Variants in GRIA1 observed in about 807,000 individuals in gnomAD.
GRIA1 encodes glutamate ionotropic receptor AMPA type subunit 1, also known as glutamate receptor 1.
GRIA1 carries 31 observed loss-of-function variants against 99.2 expected under a neutral mutation model. That is an observed-to-expected ratio of 0.31 (90% CI 0.23 to 0.42). The LOEUF (loss-of-function observed/expected upper bound fraction) is 0.42, where lower values mean the gene tolerates loss of function less well. GRIA1 is among the 10% of genes least tolerant of loss of function. GRIA1 has a pLI of 1.00. For missense variants in GRIA1, 782 were observed against 1,157.5 expected (o/e 0.68, Z 4.71); for synonymous variants, 438 against 432.4 (o/e 1.01, Z -0.16).
At chr5:153,674,430 G>A in intron 5 of GRIA1, 70 bp from the exon 6 acceptor site, 1 of 1,561,446 alleles carries the variant, frequency 6.4e-7, no homozygotes, top group Non-Finnish European at 8.8e-7. Flanking sequence ...AAATCCTGTG[G>A]TTTTGGAACA....
intron 4 of GRIA1, among the ~76,000 whole-genome samples, chr5:153,650,741 C>T (rs1754503739): frequency 1.4e-5 from 2 of 144,404 alleles, no homozygotes; most frequent in African/African-American, 5.1e-5. Context: ...GACCTGTTAA[C>T]TCCAATGTAT....
chr5:153,659,336 G>T (rs977351332), intron 5 of GRIA1, among the ~76,000 whole-genome samples: 10 of 152,102 alleles, frequency 6.6e-5, no homozygotes, highest in Non-Finnish European at 1.5e-4. Context: ...CATAGCATTG[G>T]TGTGGGCATA....
At chr5:153,797,082 G>C (rs1451190064) in intron 14 of GRIA1, among the ~76,000 whole-genome samples, 1 of 152,188 alleles carries the variant, frequency 6.6e-6, no homozygotes, top group East Asian at 1.9e-4. Flanking sequence ...GGCAATGTCA[G>C]AGGGACGTGA....
chr5:153,586,891 A>G (rs1488173948), intron 2 of GRIA1, among the ~76,000 whole-genome samples: 1 of 152,236 alleles, frequency 6.6e-6, no homozygotes, highest in East Asian at 1.9e-4. Flanking sequence ...AAGAAAACTG[A>G]TAGTCCACTT....
At chr5:153,698,190 T>C (rs201429206) in intron 9 of GRIA1, 36 bp downstream of exon 9, 5 of 1,179,674 alleles carry the variant, frequency 4.2e-6, no homozygotes, top group Non-Finnish European at 5.1e-6. Flanking sequence ...TTACTTGGGA[T>C]TCAAGCTAGG....
intron 2 of GRIA1, among the ~76,000 whole-genome samples, chr5:153,600,371 G>C (rs945867370): frequency 8.8e-6 from 1 of 113,424 alleles, no homozygotes; most frequent in African/African-American, 3.5e-5. Flanking sequence ...CAGCCTGGGC[G>C]ACAGAGCGAG....
chr5:153,650,291 G>A, intron 3 of GRIA1, 39 bp from the exon 4 acceptor site: 14 of 1,452,356 alleles, frequency 9.6e-6, no homozygotes, highest in Middle Eastern at 2.0e-4. Context: ...CACAAATCCT[G>A]ACTGTCTGTC....
rs1483707248 is a variant in GRIA1 at position 153,512,134 on chromosome 5, G to A, written c.220+18069G>A. 7.2e-5 allele frequency among the ~76,000 whole-genome samples: 11 copies of A among 152,276 alleles called. No individual in the cohort carries two copies. In the East Asian group the frequency reaches 2.1e-3, roughly 29 times the overall value. ...AGGAGGAGATGCTGAGATTCAGTGT[G>A]GAAGGTGACAAGATAAGAGGAGGAA... On this transcript the variant is annotated intron_variant, in intron 2 of 15. Transcript: ENST00000285900.
intron 5 of GRIA1, among the ~76,000 whole-genome samples, chr5:153,664,158 A>G (rs541088984): frequency 6.8e-4 from 103 of 152,284 alleles, no homozygotes; most frequent in Admixed American, 2.4e-3. Flanking sequence ...AGAGAATACA[A>G]TGGGAGGGAA....
intron 11 of GRIA1, among the ~76,000 whole-genome samples, chr5:153,757,603 G>A (rs1363374693): frequency 6.6e-6 from 1 of 152,162 alleles, no homozygotes; most frequent in Non-Finnish European, 1.5e-5. Context: ...AGACTTCTCA[G>A]CAAAGACTTT....
rs377474997 is a variant in GRIA1 at position 153,650,527 on chromosome 5, G to A, written c.645+13G>A. The A allele has an allele frequency of 3.1e-6, 5 of 1,612,492 alleles. No individual in the cohort carries two copies. The highest frequency in any genetic ancestry group is 3.4e-6 in the Non-Finnish European group (4 of 1,179,076). ...TATCTTGGGCCAGGTAGTGAAAGCAGCAAGGGCTCAGGGTGGGTGCGGGAG... is the reference window on the plus strand; with the variant it reads ...TATCTTGGGCCAGGTAGTGAAAGCAACAAGGGCTCAGGGTGGGTGCGGGAG... On this transcript the variant is annotated intron_variant, in intron 4 of 15. Transcript: ENST00000285900.
chr5:153,759,453 C>G (rs1240638577), intron 11 of GRIA1, among the ~76,000 whole-genome samples: 1 of 151,344 alleles, frequency 6.6e-6, no homozygotes, highest in African/African-American at 2.4e-5. Context: ...ATTGTAAAAC[C>G]TAGGAAAAAA....
Position 153,733,785 on chromosome 5 carries a change from G to A in GRIA1, c.1823+27718G>A, listed in dbSNP as rs6863372. On this transcript the variant is annotated intron_variant, in intron 11 of 15. Coordinates refer to ENST00000285900, the MANE Select transcript of GRIA1 (RefSeq NM_000827.4). ...ACAAAGGGCATCATTATATAATGAT[G>A]AAAGGGTACATTGATCAAGAGGATA... 8.7e-3 allele frequency among the ~76,000 whole-genome samples: 1,328 copies of A among 152,276 alleles called. 7 individuals are homozygous for A. The highest frequency in any genetic ancestry group is 0.014 in the South Asian group (67 of 4,822).
At chr5:153,743,057 C>A (rs1761919877) in intron 11 of GRIA1, among the ~76,000 whole-genome samples, 1 of 152,104 alleles carries the variant, frequency 6.6e-6, no homozygotes, top group Non-Finnish European at 1.5e-5. Context: ...CAGTTCTTGG[C>A]AGAATGGCTT....
intron 7 of GRIA1, among the ~76,000 whole-genome samples, chr5:153,684,619 T>C (rs1757217963): frequency 6.6e-6 from 1 of 152,154 alleles, no homozygotes; most frequent in Admixed American, 6.5e-5. Flanking sequence ...AATGAGTCAC[T>C]TACATGGTAC....
At chr5:153,564,032 C>T (rs74854053) in intron 2 of GRIA1, among the ~76,000 whole-genome samples, 1,912 of 152,170 alleles carry the variant, frequency 0.013, 29 homozygotes, top group African/African-American at 0.039. Flanking sequence ...AAATCATAAC[C>T]GCTTGTTGAA....
intron 14 of GRIA1, among the ~76,000 whole-genome samples, chr5:153,801,773 G>C (rs1766042308): frequency 6.6e-6 from 1 of 152,122 alleles, no homozygotes; most frequent in Admixed American, 6.6e-5. Context: ...ACTCAGAGCA[G>C]TAAGTTAACA....
intron 2 of GRIA1, among the ~76,000 whole-genome samples, chr5:153,578,777 G>A (rs186286993): frequency 2.3e-3 from 356 of 152,144 alleles, no homozygotes; most frequent in African/African-American, 8.1e-3. Flanking sequence ...GCATGGTGGC[G>A]TGCACCTGTA....
chr5:153,796,857 T>G (rs1581672413), intron 14 of GRIA1, among the ~76,000 whole-genome samples: 1 of 136,618 alleles, frequency 7.3e-6, no homozygotes, highest in African/African-American at 2.7e-5. Context: ...AGTCCATCCA[T>G]TCTGGATGTA....
Sources: allele counts gnomAD v4.1 joint callset (sites outside exome capture counted in the v4.1 genomes callset), GRCh38; gene constraint gnomAD v4.1.1; transcripts MANE v1.5; gene names NCBI Gene and HGNC (gene_info 2026-07-23, HGNC 2026-07-21).